The following FLYWCH2 variants were observed in gnomAD, a reference collection of about 807,000 sequenced individuals.
FLYWCH2 encodes the protein FLYWCH family member 2.
Under a neutral mutation model 6.0 loss-of-function variants are expected in FLYWCH2, and 2 were observed. That is an observed-to-expected ratio of 0.33 (90% CI 0.14 to 1.04). The LOEUF (loss-of-function observed/expected upper bound fraction) is 1.04, where lower values mean the gene tolerates loss of function less well. Among genes scored for constraint, FLYWCH2 ranks in the 50% least tolerant of loss-of-function variants. FLYWCH2 has a pLI of 0.45. For missense variants in FLYWCH2, 192 were observed against 183.4 expected, an observed-to-expected ratio of 1.05 and a Z score of -0.27; for synonymous variants, 87 against 79.3, an observed-to-expected ratio of 1.10 and a Z score of -0.52.
chr16:2,883,891 C>G (rs910150565), intron 1 of FLYWCH2, among the ~76,000 whole-genome samples: 4 of 152,232 alleles, frequency 2.6e-5, no homozygotes, highest in African/African-American at 9.6e-5. Context: ...ATTCTGAGCC[C>G]TGGTGATTAG....
rs116291065 is a variant in FLYWCH2 at position 2,888,708 on chromosome 16, G to A, written c.-200+5342G>A. Among the ~76,000 whole-genome samples the A allele has an allele frequency of 7.9e-3, 1,206 of 152,168 alleles. 25 individuals are homozygous for A. Among genetic ancestry groups the A allele is most frequent in the African/African-American group, 0.027 (1,134 of 41,466 alleles). ...TGGGCTGACCAGCTTGACCAGCTAA[G>A]CCTCTTATCCTGGAGGAAGTCCCAG... On this transcript the variant is annotated intron_variant, in intron 1 of 3. Coordinates refer to ENST00000396958, the MANE Select transcript of FLYWCH2 (RefSeq NM_138439.3).
At chr16:2,884,561 A>AAAAAAAAAAAC (rs2069675278) in intron 1 of FLYWCH2, among the ~76,000 whole-genome samples, 1 of 140,926 alleles carries the variant, frequency 7.1e-6, no homozygotes, top group Non-Finnish European at 1.6e-5. Context: ...TCTCTACTAA[A>AAAAAAAAAAAC]AAAAAAAAAA....
At chr16:2,899,014 T>G (rs370800734) in intron 3 of FLYWCH2, 35 bp from the exon 4 acceptor site, 1 of 1,572,290 alleles carries the variant, frequency 6.4e-7, no homozygotes, top group Non-Finnish European at 8.7e-7. Context: ...CCCATCTCCA[T>G]TGACACCAGC....
intron 1 of FLYWCH2, among the ~76,000 whole-genome samples, chr16:2,884,176 A>G (rs913723590): frequency 6.6e-6 from 1 of 152,154 alleles, no homozygotes. Context: ...GTCATCTATT[A>G]ACAGCCCCTG....
chr16:2,887,419 C>T (rs1426495904), intron 1 of FLYWCH2, among the ~76,000 whole-genome samples: 3 of 151,378 alleles, frequency 2.0e-5, no homozygotes, highest in Admixed American at 6.6e-5. Flanking sequence ...CCTCAGCCTC[C>T]CAAAGTGCTA....
chr16:2,893,634 C>CTT lies in FLYWCH2; in HGVS notation c.-199-1566_-199-1565dup, dbSNP rs35147234. On this transcript the variant is annotated intron_variant, in intron 1 of 3. Transcript: ENST00000396958. The stretch of plus-strand genomic sequence containing the variant: ...CACTTTGGGGCCCTTTTCTTTTCTT[C>CTT]TTTTTTTTTTTTTTTTTTTTTGAAA... Among the ~76,000 whole-genome samples, 110 of 111,898 alleles carry CTT rather than the reference C, an allele frequency of 9.8e-4. 1 individual carries two copies. The highest frequency in any genetic ancestry group is 1.5e-3 in the Non-Finnish European group (81 of 55,288). The allele number at this position is 111,898 out of a possible 152,430, so 73.4% of individuals were successfully genotyped here. A position where few individuals can be genotyped will look rare whatever the true frequency, so the allele number is the denominator to read the frequency against.
intron 1 of FLYWCH2, among the ~76,000 whole-genome samples, chr16:2,885,539 C>T (rs2069689493): frequency 6.6e-6 from 1 of 152,186 alleles, no homozygotes; most frequent in Admixed American, 6.6e-5. Context: ...TCTGTAGATT[C>T]TCTAGACTCT....
chr16:2,885,462 C>T (rs995597710), intron 1 of FLYWCH2, among the ~76,000 whole-genome samples: 1 of 152,210 alleles, frequency 6.6e-6, no homozygotes, highest in Non-Finnish European at 1.5e-5. Context: ...AATTCTCATT[C>T]TCCCCTTCCC....
Position 2,899,243 on chromosome 16 carries a change from C to T in FLYWCH2, c.*94C>T. 2.1e-5 allele frequency: 13 copies of T among 627,188 alleles called. No homozygotes were observed. Among genetic ancestry groups the T allele is most frequent in the South Asian group, 1.7e-4 (6 of 35,592 alleles). The allele number at this position is 627,188 out of a possible 1,614,324, so 38.9% of individuals were successfully genotyped here. On this transcript the variant is annotated 3_prime_UTR_variant, in exon 4 of 4. Coordinates refer to ENST00000396958, the MANE Select transcript of FLYWCH2 (RefSeq NM_138439.3). ...CTGGGGCCAAATGGGTGAATCTTTGCTTTTAACATTGTGTGATTTCTTTTC... is the reference window on the plus strand; with the variant it reads ...CTGGGGCCAAATGGGTGAATCTTTGTTTTTAACATTGTGTGATTTCTTTTC...
At chr16:2,889,667 C>A (rs960169310) in intron 1 of FLYWCH2, among the ~76,000 whole-genome samples, 1 of 151,880 alleles carries the variant, frequency 6.6e-6, no homozygotes, top group African/African-American at 2.4e-5. Context: ...TTAAAAAAAA[C>A]TTTTTATTTT....
In FLYWCH2 at chr16:2,893,258, G is replaced by A. The variant is rs187537312; in HGVS notation, c.-199-1962G>A. 5.9e-5 allele frequency among the ~76,000 whole-genome samples: 9 copies of A among 152,214 alleles called. No homozygotes were observed. The East Asian group carries it at 1.2e-3, about 20-fold the overall frequency. ...CCTCTCCCTTTCCTGGAGTTTGGAG[G>A]AGGGGCTGAAAGTCCCAACCCTCTA... On this transcript the variant is annotated intron_variant, in intron 1 of 3. Transcript: ENST00000396958.
intron 3 of FLYWCH2, among the ~76,000 whole-genome samples, chr16:2,897,289 G>T (rs2069834406): frequency 6.6e-6 from 1 of 152,176 alleles, no homozygotes; most frequent in Non-Finnish European, 1.5e-5. Context: ...AGTGACCTCA[G>T]CCTGGCTCTC....
chr16:2,886,573 G>C (rs1299729979), intron 1 of FLYWCH2, among the ~76,000 whole-genome samples: 1 of 129,156 alleles, frequency 7.7e-6, no homozygotes, highest in Non-Finnish European at 1.5e-5. Flanking sequence ...CCCGGCTGGA[G>C]TGCACTGGTG....
intron 1 of FLYWCH2, among the ~76,000 whole-genome samples, chr16:2,891,231 G>A (rs935614377): frequency 2.6e-5 from 4 of 152,080 alleles, no homozygotes; most frequent in Non-Finnish European, 5.9e-5. Context: ...CACTGGGAAG[G>A]GAGGTTGTTG....
chr16:2,897,676 C>T (rs1041851439), intron 3 of FLYWCH2, among the ~76,000 whole-genome samples: 1 of 152,250 alleles, frequency 6.6e-6, no homozygotes, highest in African/African-American at 2.4e-5. Flanking sequence ...GTGGCCCAGG[C>T]CATGCCCTGC....
At position 2,889,562 on chromosome 16, in the gene FLYWCH2, AAC is replaced by A. The variant is rs199924967; in HGVS notation, c.-199-5656_-199-5655del. On this transcript the variant is annotated intron_variant, in intron 1 of 3. Coordinates refer to ENST00000396958, the MANE Select transcript of FLYWCH2 (RefSeq NM_138439.3). ...AGGAAAGACTATATTAAAAAAAAAA[AAC>A]AACCTGAAAAAGAGCAAAGTTGCTT... 7.8e-3 allele frequency among the ~76,000 whole-genome samples: 1,182 copies of A among 151,762 alleles called. 17 individuals are homozygous for A. Among genetic ancestry groups the A allele is most frequent in the African/African-American group, 0.027 (1,112 of 41,440 alleles).
At chr16:2,887,781 G>T (rs936821269) in intron 1 of FLYWCH2, among the ~76,000 whole-genome samples, 5 of 151,622 alleles carry the variant, frequency 3.3e-5, no homozygotes, top group African/African-American at 9.7e-5. Flanking sequence ...TGCCTAGGCT[G>T]GTCTGGAACT....
At chr16:2,888,146 C>T (rs1471626727) in intron 1 of FLYWCH2, among the ~76,000 whole-genome samples, 4 of 151,890 alleles carry the variant, frequency 2.6e-5, no homozygotes, top group African/African-American at 9.7e-5. Context: ...GTAGCTGTGA[C>T]TATAGTTGCA....
At chr16:2,885,068 A>C (rs911917648) in intron 1 of FLYWCH2, among the ~76,000 whole-genome samples, 17 of 152,260 alleles carry the variant, frequency 1.1e-4, no homozygotes, top group Middle Eastern at 6.8e-3. Context: ...CACGCCTGTT[A>C]TCCCAGCACT....
Sources: allele counts gnomAD v4.1 joint callset (sites outside exome capture counted in the v4.1 genomes callset), GRCh38; gene constraint gnomAD v4.1.1; transcripts MANE v1.5; gene names NCBI Gene and HGNC (gene_info 2026-07-23, HGNC 2026-07-21).